PDE1C: variants seen among roughly 807,000 people sequenced by gnomAD.
PDE1C encodes phosphodiesterase 1C, also known as dual specificity calcium/calmodulin-dependent 3',5'-cyclic nucleotide phosphodiesterase 1C.
Under a neutral mutation model 93.1 loss-of-function variants are expected in PDE1C, and 62 were observed. The observed-to-expected ratio is 0.67, with a 90% CI of 0.54 to 0.82. PDE1C has a LOEUF of 0.82. Ranked by LOEUF, PDE1C falls within the 40% of genes least tolerant of loss-of-function variation. The pLI is 0.00. For missense variants in PDE1C, 742 were observed against 884.6 expected (o/e 0.84, Z 2.04); for synonymous variants, 325 against 310.1 (o/e 1.05, Z -0.50).
chr7:32,022,027 C>T (rs142465004), intron 2 of PDE1C, among the ~76,000 whole-genome samples: 22 of 152,098 alleles, frequency 1.4e-4, no homozygotes, highest in African/African-American at 5.1e-4. Context: ...AACTTAAGTA[C>T]ATAATTAGGT....
chr7:31,781,979 TAAC>T (rs1174521857), intron 16 of PDE1C, among the ~76,000 whole-genome samples: 1 of 152,166 alleles, frequency 6.6e-6, no homozygotes, highest in Non-Finnish European at 1.5e-5. Flanking sequence ...AAAAAAGTGT[TAAC>T]AACCTGTGAC....
intron 2 of PDE1C, among the ~76,000 whole-genome samples, chr7:31,996,075 A>ACACACACG (rs1338556206): frequency 8.4e-6 from 1 of 119,212 alleles, no homozygotes; most frequent in African/African-American, 3.0e-5. Context: ...GGACACACAC[A>ACACACACG]CACACACACA....
chr7:32,214,090 A>T (rs1806248290), intron 1 of PDE1C, among the ~76,000 whole-genome samples: 1 of 152,186 alleles, frequency 6.6e-6, no homozygotes, highest in South Asian at 2.1e-4. Context: ...ATATATGTAC[A>T]TGTGTATGTA....
At chr7:32,087,509 C>T (rs1342919061) in intron 3 of PDE1C, among the ~76,000 whole-genome samples, 2 of 151,880 alleles carry the variant, frequency 1.3e-5, no homozygotes, top group Admixed American at 6.6e-5. Context: ...GGGTATATAC[C>T]CAAAGGACTA....
chr7:32,147,813 G>C (rs1486338985), intron 3 of PDE1C, among the ~76,000 whole-genome samples: 1 of 151,832 alleles, frequency 6.6e-6, no homozygotes, highest in Non-Finnish European at 1.5e-5. Flanking sequence ...GGGTTTGAAA[G>C]GGCCTTAACT....
chr7:32,137,154 C>A (rs1047072069), intron 3 of PDE1C, among the ~76,000 whole-genome samples: 2 of 152,186 alleles, frequency 1.3e-5, no homozygotes, highest in Non-Finnish European at 2.9e-5. Flanking sequence ...AAAGACCCTA[C>A]ACAATGTTAA....
At chr7:32,273,220 T>C (rs1192851224) in intron 1 of PDE1C, among the ~76,000 whole-genome samples, 1 of 151,942 alleles carries the variant, frequency 6.6e-6, no homozygotes, top group East Asian at 1.9e-4. Context: ...GGACAAAGAG[T>C]GCCCCGGTGA....
upstream of PDE1C, among the ~76,000 whole-genome samples, chr7:32,073,227 CA>C (rs965390647): frequency 1.2e-4 from 19 of 152,184 alleles, no homozygotes; most frequent in African/African-American, 3.9e-4. Context: ...AGAGCAAAAA[CA>C]TTTTTTTTAA....
the PDE1C span, among the ~76,000 whole-genome samples, chr7:31,686,363 T>G: frequency 0.1 from 15,698 of 152,094 alleles, 1,966 homozygotes; most frequent in African/African-American, 0.3. Flanking sequence ...GTCTCCCGCC[T>G]CTCCCACCTT....
In PDE1C at chr7:31,753,338, G is replaced by C. The variant is rs1252648403; in HGVS notation, c.*46C>G. On this transcript the variant is annotated 3_prime_UTR_variant, in exon 18 of 18. Coordinates refer to ENST00000396191, the MANE Select transcript of PDE1C (RefSeq NM_001191057.4). ...TGCTGTGGCCAGTGGGTGCTGAGAA[G>C]CAGATAGGTAGACCCTCCTTCACTC... 1 of 1,583,686 alleles carries C rather than the reference G, an allele frequency of 6.3e-7. No individual in the cohort carries two copies. Among genetic ancestry groups the C allele is most frequent in the Admixed American group, 1.7e-5 (1 of 58,018 alleles).
intron 7 of PDE1C, among the ~76,000 whole-genome samples, chr7:31,856,524 C>T (rs1279143028): frequency 6.6e-6 from 1 of 152,142 alleles, no homozygotes; most frequent in Non-Finnish European, 1.5e-5. Flanking sequence ...GTTGAAGAAG[C>T]TGTGCATGAT....
At chr7:31,749,492 T>C (rs929724632), downstream of PDE1C, among the ~76,000 whole-genome samples, 8 of 152,122 alleles carry the variant, frequency 5.3e-5, no homozygotes, top group Admixed American at 1.3e-4. Flanking sequence ...TGAGCTCACA[T>C]GTCTTGAAAA....
At chr7:32,158,619 A>G (rs1159357125) in intron 3 of PDE1C, among the ~76,000 whole-genome samples, 2 of 152,166 alleles carry the variant, frequency 1.3e-5, no homozygotes, top group East Asian at 3.8e-4. Flanking sequence ...ACCGCAGAAC[A>G]CCCAGTGTTT....
intron 3 of PDE1C, among the ~76,000 whole-genome samples, chr7:32,131,483 T>G (rs964053627): frequency 5.3e-5 from 8 of 152,168 alleles, no homozygotes; most frequent in Admixed American, 4.6e-4. Flanking sequence ...TAGAAGGAAG[T>G]ATCAGAGCTT....
intron 2 of PDE1C, among the ~76,000 whole-genome samples, chr7:31,917,582 T>G (rs749826646): frequency 3.3e-5 from 5 of 152,066 alleles, no homozygotes; most frequent in Admixed American, 2.0e-4. Context: ...TTTGGATAAA[T>G]TGCTTTTTCT....
chr7:32,399,581 C>CTTTTTTTTTTTTT (rs34748013), intron 1 of PDE1C, among the ~76,000 whole-genome samples: 1 of 117,566 alleles, frequency 8.5e-6, no homozygotes, highest in African/African-American at 3.3e-5. Flanking sequence ...CTTCATTTAA[C>CTTTTTTTTTTTTT]TTTTTTTTTT....
intron 2 of PDE1C, among the ~76,000 whole-genome samples, chr7:31,924,641 C>T (rs1448591333): frequency 6.6e-6 from 1 of 152,196 alleles, no homozygotes; most frequent in Non-Finnish European, 1.5e-5. Flanking sequence ...TTTTGGGAAC[C>T]CCCGAGTTTA....
At chr7:32,226,401 G>T (rs140548932) in intron 1 of PDE1C, among the ~76,000 whole-genome samples, 19 of 152,326 alleles carry the variant, frequency 1.2e-4, no homozygotes, top group African/African-American at 4.6e-4. Flanking sequence ...CTAATACAAA[G>T]AATTTTAATG....
In PDE1C at chr7:32,354,919, A is replaced by G. The variant is rs567945810; in HGVS notation, c.310+72903T>C. 2.6e-5 allele frequency among the ~76,000 whole-genome samples: 4 copies of G among 152,306 alleles called. No individual in the cohort carries two copies. In the East Asian group the frequency reaches 7.7e-4, roughly 29 times the overall value. ...TTAAGCTTTTTCTTTTTACATTCCA[A>G]ATCTTCTTTGCAAAGGCAATTCTGA... is the stretch of plus-strand genomic sequence containing the variant. On this transcript the variant is annotated intron_variant, in intron 1 of 1. Coordinates refer to the PDE1C transcript ENST00000672256.
Sources: allele counts gnomAD v4.1 joint callset (sites outside exome capture counted in the v4.1 genomes callset), GRCh38; gene constraint gnomAD v4.1.1; transcripts MANE v1.5; gene names NCBI Gene and HGNC (gene_info 2026-07-23, HGNC 2026-07-21).